Variants in C1orf21 observed in about 807,000 individuals in gnomAD.
C1orf21 encodes the protein chromosome 1 open reading frame 21, also known as uncharacterized protein C1orf21.
C1orf21 carries 3 observed loss-of-function variants against 18.7 expected under a neutral mutation model. The ratio of observed to expected loss-of-function variants is 0.16; its 90% CI spans 0.07 to 0.42. The LOEUF is 0.42. Ranked by LOEUF, C1orf21 falls within the 10% of genes least tolerant of loss-of-function variation. The pLI is 0.99. For missense variants in C1orf21, 104 were observed against 143.6 expected (o/e 0.72, Z 1.41); for synonymous variants, 41 against 46.4 (o/e 0.88, Z 0.47).
chr1:184,537,230 TCTCCAGAA>T (rs1310292194), intron 3 of C1orf21, among the ~76,000 whole-genome samples: 1 of 152,176 alleles, frequency 6.6e-6, no homozygotes, highest in Non-Finnish European at 1.5e-5. Flanking sequence ...CCATCATCCA[TCTCCAGAA>T]CTCTTCATCT....
rs750317848 is a variant in C1orf21, at chr1:184,598,458, A to C, written c.324A>C (p.Glu108Asp). 6.2e-7 allele frequency: 1 copy of C among 1,613,038 alleles called. No individual in the cohort carries two copies. Among genetic ancestry groups the C allele is most frequent in the East Asian group, 2.2e-5 (1 of 44,844 alleles). Residue 108 changes from glutamate to aspartate, a missense_variant, in exon 5 of 6, where the codon GAA becomes GAC. Coordinates refer to ENST00000235307, the MANE Select transcript of C1orf21 (RefSeq NM_030806.4). ...TCAGAATGCTGGATGAAAAAATTGA[A>C]AAGGTAAGAAGTGAAATAAATAACC... ...EFFRMLDEKIEKGRDYCSEEE... is the reference protein window; with the variant it reads ...EFFRMLDEKIDKGRDYCSEEE...
intron 1 of C1orf21, among the ~76,000 whole-genome samples, chr1:184,455,992 T>G (rs1017396341): frequency 3.3e-5 from 5 of 152,132 alleles, no homozygotes; most frequent in Non-Finnish European, 5.9e-5. Context: ...TAACTTCTGG[T>G]TTTTCCTGTA....
intron 4 of C1orf21, among the ~76,000 whole-genome samples, chr1:184,597,027 C>T (rs1332833964): frequency 6.6e-6 from 1 of 152,112 alleles, no homozygotes; most frequent in African/African-American, 2.4e-5. Flanking sequence ...ACATAAGGAA[C>T]CTGGGAAAAC....
chr1:184,573,745 G>T (rs893875853), intron 3 of C1orf21, among the ~76,000 whole-genome samples: 1 of 152,042 alleles, frequency 6.6e-6, no homozygotes, highest in African/African-American at 2.4e-5. Context: ...CAACCTGGAT[G>T]ACAGGTTCAT....
At chr1:184,397,194 A>G (rs1656064142) in intron 1 of C1orf21, among the ~76,000 whole-genome samples, 1 of 152,238 alleles carries the variant, frequency 6.6e-6, no homozygotes, top group Non-Finnish European at 1.5e-5. Context: ...ATGAAGAAGT[A>G]AAACAAATCT....
intron 3 of C1orf21, among the ~76,000 whole-genome samples, chr1:184,560,488 G>C (rs548155974): frequency 6.6e-6 from 1 of 152,224 alleles, no homozygotes; most frequent in East Asian, 1.9e-4. Flanking sequence ...CAGAAGAAAA[G>C]GCAAATCAGA....
At chr1:184,606,370 G>A (rs575074401) in intron 5 of C1orf21, among the ~76,000 whole-genome samples, 23 of 152,266 alleles carry the variant, frequency 1.5e-4, no homozygotes, top group Admixed American at 4.6e-4. Flanking sequence ...GAGGCCAGGA[G>A]TTTGAGACCA....
intron 3 of C1orf21, among the ~76,000 whole-genome samples, chr1:184,578,956 A>G (rs980971376): frequency 2.6e-5 from 4 of 151,372 alleles, no homozygotes; most frequent in African/African-American, 9.7e-5. Flanking sequence ...CCATCACTGA[A>G]GAACTGAGGA....
intron 3 of C1orf21, among the ~76,000 whole-genome samples, chr1:184,587,378 A>G (rs1475056813): frequency 6.6e-6 from 1 of 150,452 alleles, no homozygotes; most frequent in Non-Finnish European, 1.5e-5. Context: ...TGCTTTGGGT[A>G]GTATGGCCTT....
chr1:184,551,137 C>T (rs1005950875), intron 3 of C1orf21, among the ~76,000 whole-genome samples: 2 of 152,054 alleles, frequency 1.3e-5, no homozygotes, highest in African/African-American at 4.8e-5. Flanking sequence ...ATATATGATC[C>T]CTGGAATACA....
chr1:184,616,660 A>T lies in C1orf21; in HGVS notation c.328-2858A>T, dbSNP rs538526011. On this transcript the variant is annotated intron_variant, in intron 5 of 5. Transcript: ENST00000235307. ...TGAGAACACCACCTTTCATGTATGC[A>T]TGTGTGTGCATGTGTGCACGTGTGT... Among the ~76,000 whole-genome samples, 11 of 151,996 alleles carry T rather than the reference A, an allele frequency of 7.2e-5. No homozygotes were observed. In the East Asian group the frequency reaches 2.1e-3, roughly 29 times the overall value.
chr1:184,396,831 C>G (rs1211510984), intron 1 of C1orf21, among the ~76,000 whole-genome samples: 3 of 152,126 alleles, frequency 2.0e-5, no homozygotes, highest in Non-Finnish European at 4.4e-5. Flanking sequence ...ATAACATCCC[C>G]CCACCGCCTG....
At chr1:184,483,861 G>T (rs114786687) in intron 2 of C1orf21, among the ~76,000 whole-genome samples, 3,752 of 147,680 alleles carry the variant, frequency 0.025, 81 homozygotes, top group Non-Finnish European at 0.032. Flanking sequence ...AACATCCAAG[G>T]CACCTGAAGG....
At chr1:184,601,912 T>A (rs895697649) in intron 5 of C1orf21, among the ~76,000 whole-genome samples, 1 of 150,636 alleles carries the variant, frequency 6.6e-6, no homozygotes, top group Non-Finnish European at 1.5e-5. Context: ...AAAAAAAAAA[T>A]AATAAAATAA....
At chr1:184,584,636 A>C (rs1469396455) in intron 3 of C1orf21, among the ~76,000 whole-genome samples, 1 of 152,224 alleles carries the variant, frequency 6.6e-6, no homozygotes, top group African/African-American at 2.4e-5. Context: ...TAACATCGCT[A>C]TTCATAATAA....
At position 184,544,532 on chromosome 1, in the gene C1orf21, C is replaced by T. The variant is rs537783177; in HGVS notation, c.189+36850C>T. On this transcript the variant is annotated intron_variant, in intron 3 of 5. Transcript: ENST00000235307. ...ATCAGAGCCCTTGCTGTGTTAGTGGCTCCTCATTGGTAGATAATTTATCAA... is the reference window on the plus strand; with the variant it reads ...ATCAGAGCCCTTGCTGTGTTAGTGGTTCCTCATTGGTAGATAATTTATCAA... Among the ~76,000 whole-genome samples the T allele has an allele frequency of 4.6e-5, 7 of 152,296 alleles. No individual in the cohort carries two copies. In the East Asian group the frequency reaches 1.4e-3, roughly 29 times the overall value.
chr1:184,555,581 A>G (rs1348045393), intron 3 of C1orf21, among the ~76,000 whole-genome samples: 1 of 152,118 alleles, frequency 6.6e-6, no homozygotes, highest in Non-Finnish European at 1.5e-5. Flanking sequence ...ACATATGCAC[A>G]AACACCTGTT....
At chr1:184,549,172 G>A (rs893566000) in intron 3 of C1orf21, among the ~76,000 whole-genome samples, 16 of 152,250 alleles carry the variant, frequency 1.1e-4, no homozygotes, top group African/African-American at 3.1e-4. Flanking sequence ...TCTCCTAGCC[G>A]TGGAACTTTA....
At chr1:184,556,452 C>G (rs558764765) in intron 3 of C1orf21, among the ~76,000 whole-genome samples, 30 of 152,292 alleles carry the variant, frequency 2.0e-4, no homozygotes, top group Admixed American at 1.2e-3. Flanking sequence ...ACAGGAGCCT[C>G]TGCCAGAGGC....
Sources: gnomAD v4.1 joint callset for allele counts (sites outside exome capture counted in the v4.1 genomes callset) on GRCh38, gnomAD v4.1.1 for gene constraint, MANE v1.5 for transcripts, NCBI Gene and HGNC (gene_info 2026-07-23, HGNC 2026-07-21) for gene names.